KIF1B: variants seen among roughly 807,000 people sequenced by gnomAD.
KIF1B encodes the protein kinesin family member 1B.
Under a neutral mutation model 241.9 loss-of-function variants are expected in KIF1B, and 76 were observed. The observed-to-expected ratio is 0.31, with a 90% CI of 0.26 to 0.38. The LOEUF (loss-of-function observed/expected upper bound fraction) is 0.38, where lower values mean the gene tolerates loss of function less well. KIF1B is among the 10% of genes least tolerant of loss of function. The probability of loss-of-function intolerance (pLI) is 1.00; values close to 1 mark genes in which losing one functional copy is unlikely to be tolerated. For synonymous variants in KIF1B, 750 were observed against 796.7 expected, an observed-to-expected ratio of 0.94 and a Z score of 0.99; for missense variants, 1,622 against 2,271.4, an observed-to-expected ratio of 0.71 and a Z score of 5.81.
chr1:10,317,480 T>C (rs1044776678), intron 22 of KIF1B, among the ~76,000 whole-genome samples: 1 of 151,410 alleles, frequency 6.6e-6, no homozygotes, highest in Non-Finnish European at 1.5e-5. Flanking sequence ...GTGGCAGTGG[T>C]ACTTAGAAAC....
intron 25 of KIF1B, among the ~76,000 whole-genome samples, chr1:10,324,321 A>G (rs1651640473): frequency 6.6e-6 from 1 of 152,160 alleles, no homozygotes; most frequent in South Asian, 2.1e-4. Context: ...TAAATATTCC[A>G]GTTTCATCAT....
intron 48 of KIF1B, 147 bp downstream of exon 48, chr1:10,375,520 A>G: frequency 1.4e-6 from 1 of 723,762 alleles, no homozygotes; most frequent in Non-Finnish European, 2.5e-6. Context: ...AGTAGCTGAG[A>G]CTACAGGCAC....
chr1:10,278,744 A>T (rs1384308108), intron 13 of KIF1B: 2 of 227,778 alleles, frequency 8.8e-6, no homozygotes, highest in East Asian at 1.8e-4. Context: ...AATCTCCGTG[A>T]TGTGCCTATC....
intron 10 of KIF1B, among the ~76,000 whole-genome samples, chr1:10,273,964 T>C (rs1648963996): frequency 7.6e-6 from 1 of 131,962 alleles, no homozygotes; most frequent in Non-Finnish European, 1.6e-5. Flanking sequence ...GGAGACCAGG[T>C]CTCTCACTGC....
intron 12 of KIF1B, among the ~76,000 whole-genome samples, chr1:10,277,766 C>T (rs1223821373): frequency 2.6e-5 from 4 of 152,178 alleles, no homozygotes; most frequent in South Asian, 2.1e-4. Flanking sequence ...TAAGTCCTCT[C>T]GCTGTTATTT....
At chr1:10,341,830 G>T (rs577067494) in intron 32 of KIF1B, among the ~76,000 whole-genome samples, 1 of 152,078 alleles carries the variant, frequency 6.6e-6, no homozygotes, top group Non-Finnish European at 1.5e-5. Flanking sequence ...AATTAGCCAG[G>T]CATGGTGGTG....
intron 28 of KIF1B, among the ~76,000 whole-genome samples, chr1:10,335,156 A>G (rs1354400885): frequency 6.6e-6 from 1 of 152,206 alleles, no homozygotes; most frequent in African/African-American, 2.4e-5. Context: ...TGCCCAGCAT[A>G]GTCTCGATCG....
rs1288841015 is a variant in KIF1B, at chr1:10,263,616, T to C, written c.429+1646T>C. 2.0e-5 allele frequency among the ~76,000 whole-genome samples: 3 copies of C among 152,238 alleles called. No individual in the cohort carries two copies. In the East Asian group the frequency reaches 5.8e-4, roughly 29 times the overall value. On this transcript the variant is annotated intron_variant, in intron 5 of 48. Transcript: ENST00000676179. ...GTAAATTCTAAGGAATTCTGTCTTG[T>C]GACTGTCATACACCAAAAAGAGAAT...
At chr1:10,284,943 A>G (rs1347961118) in intron 15 of KIF1B, among the ~76,000 whole-genome samples, 1 of 152,190 alleles carries the variant, frequency 6.6e-6, no homozygotes, top group Non-Finnish European at 1.5e-5. Context: ...GTTCTGCAAC[A>G]CCTAGCAAAG....
chr1:10,378,239 C>T lies in KIF1B; in HGVS notation c.*1652C>T. The T allele has an allele frequency of 2.8e-6, 2 of 704,510 alleles. No homozygotes were observed. Among genetic ancestry groups the T allele is most frequent in the South Asian group, 3.0e-5 (2 of 66,150 alleles). The allele number at this position is 704,510 out of a possible 1,614,324, so 43.6% of individuals were successfully genotyped here. On this transcript the variant is annotated 3_prime_UTR_variant, in exon 49 of 49. Coordinates refer to ENST00000676179, the MANE Select transcript of KIF1B (RefSeq NM_001365951.3). ...ACGTCCAGGGAGCCCGGGCCCCAGG[C>T]TTTGTTGCGTGTTCCCTGCTCCTCT...
At chr1:10,340,905 C>T (rs988270059) in intron 32 of KIF1B, among the ~76,000 whole-genome samples, 1 of 152,246 alleles carries the variant, frequency 6.6e-6, no homozygotes, top group Non-Finnish European at 1.5e-5. Context: ...GAAACTGTCT[C>T]TCATTCTCTT....
At position 10,303,282 on chromosome 1, in the gene KIF1B, A is replaced by G; in HGVS notation, c.2115+6036A>G. 1 of 1,614,218 alleles carries G rather than the reference A, an allele frequency of 6.2e-7. No individual in the cohort carries two copies. The highest frequency in any genetic ancestry group is 2.2e-5 in the East Asian group (1 of 44,888). On this transcript the variant is annotated intron_variant, in intron 22 of 48. Coordinates refer to ENST00000676179, the MANE Select transcript of KIF1B (RefSeq NM_001365951.3). This position sits in a 1 kb window ranked among gnomAD's most constrained non-coding sequence, Gnocchi z 5.2. The stretch of plus-strand genomic sequence containing the variant: ...GCAAGTTGCAAACCATTGTTAAAAA[A>G]TGTGGCCTCCCAAGCAGTGGGAAGA...
intron 1 of KIF1B, among the ~76,000 whole-genome samples, chr1:10,215,163 TATATATATA>T (rs1214675575): frequency 0.013 from 904 of 70,988 alleles, 7 homozygotes; most frequent in African/African-American, 0.033. Context: ...TATATATATA[TATATATATA>T]TTTTTTTTTT....
At chr1:10,262,150 TG>T (rs1557672713) in intron 5 of KIF1B, among the ~76,000 whole-genome samples, 180 bp downstream of exon 5, 1 of 152,112 alleles carries the variant, frequency 6.6e-6, no homozygotes, top group Non-Finnish European at 1.5e-5. Context: ...ATCTTTTTTT[TG>T]GGGGGTGCGC....
intron 1 of KIF1B, among the ~76,000 whole-genome samples, chr1:10,214,891 A>G (rs1042104624): frequency 4.0e-5 from 6 of 151,742 alleles, no homozygotes; most frequent in Non-Finnish European, 5.9e-5. Flanking sequence ...TACCATTTCT[A>G]TATAGAAATG....
intron 40 of KIF1B, 137 bp from the exon 41 acceptor site, chr1:10,363,146 A>C (rs1000310621): frequency 1.5e-6 from 1 of 658,874 alleles, no homozygotes; most frequent in Non-Finnish European, 2.7e-6. Context: ...ATAAGAAAAG[A>C]GCGGTGACAA....
chr1:10,261,357 G>A (rs925834264), intron 4 of KIF1B, among the ~76,000 whole-genome samples: 1 of 149,740 alleles, frequency 6.7e-6, no homozygotes. Context: ...TGCAACCTCC[G>A]CCTCCTGGGT....
At chr1:10,315,315 C>T (rs2102288015) in intron 22 of KIF1B, among the ~76,000 whole-genome samples, 1 of 150,602 alleles carries the variant, frequency 6.6e-6, no homozygotes, top group African/African-American at 2.5e-5. Context: ...GTAGCTGGGA[C>T]TACAGGCACC....
chr1:10,234,093 G>T (rs781514992), intron 2 of KIF1B, among the ~76,000 whole-genome samples: 1 of 152,120 alleles, frequency 6.6e-6, no homozygotes, highest in Non-Finnish European at 1.5e-5. Context: ...GGAATAGGCC[G>T]AGTGGCTCTG....
Sources: gnomAD v4.1 joint callset for allele counts (sites outside exome capture counted in the v4.1 genomes callset) on GRCh38, gnomAD v4.1.1 for gene constraint, Gnocchi (gnomAD v3.1) non-coding constraint, MANE v1.5 for transcripts, NCBI Gene and HGNC (gene_info 2026-07-23, HGNC 2026-07-21) for gene names.